Variants in RHPN2 observed in about 807,000 individuals in gnomAD.
RHPN2 encodes rhophilin Rho GTPase binding protein 2.
A neutral mutation model predicts 79.0 loss-of-function variants in RHPN2; 40 were observed. The observed-to-expected ratio is 0.51, with a 90% confidence interval of 0.39 to 0.66. The LOEUF (loss-of-function observed/expected upper bound fraction) is 0.66. RHPN2 is among the 30% of genes least tolerant of loss of function. RHPN2 has a pLI of 0.00. For missense variants in RHPN2, 686 were observed against 883.5 expected (o/e 0.78, Z 2.83); for synonymous variants, 285 against 363.5 (o/e 0.78, Z 2.46).
At chr19:33,021,361 TTTTC>T (rs1280316158) in intron 4 of RHPN2, among the ~76,000 whole-genome samples, 3 of 152,184 alleles carry the variant, frequency 2.0e-5, no homozygotes, top group Non-Finnish European at 4.4e-5. Context: ...TCTCCATTTT[TTTTC>T]TTTTTTTTGG....
chr19:33,038,142 G>C (rs554810877), intron 2 of RHPN2, among the ~76,000 whole-genome samples: 3 of 152,104 alleles, frequency 2.0e-5, no homozygotes, highest in African/African-American at 7.2e-5. Context: ...TTGAGGTCAG[G>C]AGTTTGAGAA....
chr19:33,061,405 C>T (rs1972279272), intron 1 of RHPN2, among the ~76,000 whole-genome samples: 1 of 151,556 alleles, frequency 6.6e-6, no homozygotes, highest in Non-Finnish European at 1.5e-5. Flanking sequence ...CGGGGTTTCA[C>T]TGTGTTAGCC....
In RHPN2 at chr19:33,038,116, C is replaced by T. The variant is rs141899916; in HGVS notation, c.185+6133G>A. ...CTGTAATCCCAGCACTTTTGGAGGCCGAGTGGGCGGATCACTTGAGGTCAG... is the reference window on the plus strand; with the variant it reads ...CTGTAATCCCAGCACTTTTGGAGGCTGAGTGGGCGGATCACTTGAGGTCAG... On this transcript the variant is annotated intron_variant, in intron 2 of 14. Coordinates refer to ENST00000254260, the MANE Select transcript of RHPN2 (RefSeq NM_033103.5). Among the ~76,000 whole-genome samples the T allele has an allele frequency of 2.0e-3, 301 of 151,922 alleles. 3 individuals are homozygous for T. In the East Asian group the frequency reaches 0.027, roughly 14 times the overall value.
chr19:33,059,603 CTT>C (rs1306632649), intron 1 of RHPN2, among the ~76,000 whole-genome samples: 4 of 152,100 alleles, frequency 2.6e-5, no homozygotes, highest in Non-Finnish European at 5.9e-5. Context: ...CCTGCCACAC[CTT>C]TGTCTTTAAC....
intron 11 of RHPN2, 133 bp from the exon 12 acceptor site, chr19:32,994,186 A>G (rs924846150): frequency 4.4e-6 from 3 of 681,880 alleles, no homozygotes; most frequent in Non-Finnish European, 8.1e-6. Context: ...ACTTGAGGCC[A>G]TAAGTTCAAG....
chr19:33,017,645 T>C (rs1971888531), intron 4 of RHPN2, among the ~76,000 whole-genome samples: 1 of 148,088 alleles, frequency 6.8e-6, no homozygotes, highest in Non-Finnish European at 1.5e-5. Flanking sequence ...GGAAGATCAC[T>C]TGGGGCCAGG....
chr19:33,045,671 G>A (rs1191206887), intron 1 of RHPN2, among the ~76,000 whole-genome samples: 1 of 151,908 alleles, frequency 6.6e-6, no homozygotes, highest in Non-Finnish European at 1.5e-5. Context: ...ACAGGGTTTC[G>A]CCATGTTGGC....
intron 7 of RHPN2, among the ~76,000 whole-genome samples, chr19:33,003,756 A>G (rs1721115659): frequency 1.3e-5 from 2 of 152,220 alleles, no homozygotes; most frequent in Admixed American, 6.6e-5. Context: ...CATTTAGATA[A>G]GGTACCCGGA....
At chr19:33,027,471 G>A (rs1366633464) in intron 2 of RHPN2, among the ~76,000 whole-genome samples, 3 of 151,010 alleles carry the variant, frequency 2.0e-5, no homozygotes, top group Non-Finnish European at 4.4e-5. Context: ...ATCCAGCCTG[G>A]GTGACAGAGC....
chr19:33,042,538 A>G (rs780490934), intron 2 of RHPN2, among the ~76,000 whole-genome samples: 2 of 152,208 alleles, frequency 1.3e-5, no homozygotes, highest in Non-Finnish European at 2.9e-5. Context: ...TCCTCCAGTA[A>G]CAACCTGCTT....
At chr19:33,040,657 C>T (rs1162426533) in intron 2 of RHPN2, among the ~76,000 whole-genome samples, 1 of 150,994 alleles carries the variant, frequency 6.6e-6, no homozygotes, top group Non-Finnish European at 1.5e-5. Flanking sequence ...TCTGGTTGGC[C>T]TAAATGAAAA....
chr19:33,002,687 T>G lies in RHPN2; in HGVS notation c.948+126A>C. 6 of 1,008,068 alleles carry G rather than the reference T, an allele frequency of 6.0e-6. No individual in the cohort carries two copies. The South Asian group carries it at 8.0e-5, about 13-fold the overall frequency. The allele number at this position is 1,008,068 out of a possible 1,614,324, so 62.4% of individuals were successfully genotyped here. On this transcript the variant is annotated intron_variant, in intron 8 of 14. Transcript: ENST00000254260. ...CCAAGAAAACTCAAGCCAGCAGTAC[T>G]GGCCGGAGCTGGCACAATGCCCAGG...
chr19:32,996,425 C>G (rs1045302943), intron 10 of RHPN2: 4 of 630,586 alleles, frequency 6.3e-6, no homozygotes, highest in Non-Finnish European at 1.1e-5. Flanking sequence ...AGTTTCTTCA[C>G]TTGCAGCCCC....
At position 32,999,650 on chromosome 19, in the gene RHPN2, G is replaced by T. The variant is rs376175559; in HGVS notation, c.1161C>A (p.Asp387Glu). Residue 387 changes from aspartate to glutamate, a missense_variant, in exon 10 of 15, where the codon GAC becomes GAA. Asp to Glu is a conservative substitution (Grantham distance 45). Coordinates refer to ENST00000254260, the MANE Select transcript of RHPN2 (RefSeq NM_033103.5). ...HQEKCLSQLY[D>E]HMPEGLTPLA... ...AGGGTGTCAGCCCCTCTGGCATGTG[G>T]TCGTAGAGCTGGGACAGGCACTTCT... is the stretch of plus-strand genomic sequence containing the variant. 3.2e-5 allele frequency: 51 copies of T among 1,613,202 alleles called. No individual in the cohort carries two copies. The highest frequency in any genetic ancestry group is 4.1e-5 in the Non-Finnish European group (48 of 1,179,506).
intron 2 of RHPN2, among the ~76,000 whole-genome samples, chr19:33,036,151 T>C (rs1165025354): frequency 3.3e-5 from 5 of 150,126 alleles, no homozygotes; most frequent in East Asian, 1.9e-4. Flanking sequence ...GATAATAATA[T>C]CGATTCCTGC....
At position 33,011,675 on chromosome 19, in the gene RHPN2, C is replaced by A. The variant is rs755180833; in HGVS notation, c.593+4G>T. The A allele has an allele frequency of 6.2e-7, 1 of 1,613,966 alleles. No homozygotes were observed. The highest frequency in any genetic ancestry group is 1.1e-5 in the South Asian group (1 of 91,080). On this transcript the variant is annotated splice_donor_region_variant and intron_variant, in intron 6 of 14. Transcript: ENST00000254260. ...AAGCGCCAGCGCAGACCTCAAGCAC[C>A]TACCAGGTGAACAGGAGTCCCATCT... is the stretch of plus-strand genomic sequence containing the variant.
At chr19:33,007,749 GTTT>G (rs71340516) in intron 7 of RHPN2, among the ~76,000 whole-genome samples, 2 of 137,952 alleles carry the variant, frequency 1.4e-5, no homozygotes, top group African/African-American at 2.7e-5. Context: ...CACCGAGCAA[GTTT>G]TTTTTTTTTT....
chr19:32,994,356 A>G (rs1350396303), intron 11 of RHPN2, among the ~76,000 whole-genome samples: 3 of 151,730 alleles, frequency 2.0e-5, no homozygotes, highest in Non-Finnish European at 4.4e-5. Context: ...AAGTCATGCC[A>G]CTGCACTCCA....
At chr19:33,035,842 C>T (rs765527611) in intron 2 of RHPN2, among the ~76,000 whole-genome samples, 12 of 152,108 alleles carry the variant, frequency 7.9e-5, no homozygotes, top group Non-Finnish European at 1.3e-4. Context: ...TCGGGCCGGG[C>T]GCCATGGCTC....
Sources: allele counts gnomAD v4.1 joint callset (sites outside exome capture counted in the v4.1 genomes callset), GRCh38; gene constraint gnomAD v4.1.1; transcripts MANE v1.5; gene names NCBI Gene and HGNC (gene_info 2026-07-23, HGNC 2026-07-21).